REDIC1: variants seen among roughly 807,000 people sequenced by gnomAD.
The protein encoded by REDIC1 is regulator of DNA class I crossover intermediates 1, also known as HEI10 Interacting Protein 1.
the REDIC1 span, among the ~76,000 whole-genome samples, chr12:39,718,553 G>A: frequency 6.6e-6 from 1 of 152,036 alleles, no homozygotes; most frequent in South Asian, 2.1e-4. Context: ...TTATAAATAA[G>A]GGCAATCTTG....
chr12:39,652,929 C>T, the REDIC1 span, among the ~76,000 whole-genome samples: 1 of 151,964 alleles, frequency 6.6e-6, no homozygotes, highest in African/African-American at 2.4e-5. Flanking sequence ...GTTACTGTAG[C>T]TTTATTGTTA....
At chr12:39,844,017 A>T in the REDIC1 span, among the ~76,000 whole-genome samples, 3 of 151,998 alleles carry the variant, frequency 2.0e-5, no homozygotes, top group Non-Finnish European at 4.4e-5. Flanking sequence ...AAAAAGGATA[A>T]ATAAAAATAA....
At chr12:39,727,125 C>G in the REDIC1 span, among the ~76,000 whole-genome samples, 2 of 152,114 alleles carry the variant, frequency 1.3e-5, no homozygotes, top group African/African-American at 4.8e-5. Flanking sequence ...TGCCTGTTCA[C>G]TCTTGCTGTG....
the REDIC1 span, among the ~76,000 whole-genome samples, chr12:39,670,765 TCTGA>T: frequency 6.6e-6 from 1 of 151,418 alleles, no homozygotes; most frequent in Non-Finnish European, 1.5e-5. Context: ...TTTAAATTCA[TCTGA>T]CTGGGTTATT....
chr12:39,633,788 G>A, the REDIC1 span, among the ~76,000 whole-genome samples: 78 of 152,246 alleles, frequency 5.1e-4, no homozygotes, highest in African/African-American at 1.9e-3. Flanking sequence ...CGGAACCATC[G>A]TTACGCAGTG....
chr12:39,696,562 AAAAAAAAAAAAAAAAAAAT>A, the REDIC1 span, among the ~76,000 whole-genome samples: 91 of 142,740 alleles, frequency 6.4e-4, no homozygotes, highest in African/African-American at 2.1e-3. Flanking sequence ...AAAAAAAAAA[AAAAAAAAAAAAAAAAAAAT>A]AACGCACCAA....
chr12:39,839,439 T>C, the REDIC1 span, among the ~76,000 whole-genome samples: 1 of 152,090 alleles, frequency 6.6e-6, no homozygotes, highest in Non-Finnish European at 1.5e-5. Context: ...GGTACTAATT[T>C]CATGAAGCAA....
At chr12:39,674,106 G>A in the REDIC1 span, among the ~76,000 whole-genome samples, 2 of 152,136 alleles carry the variant, frequency 1.3e-5, no homozygotes, top group African/African-American at 2.4e-5. Flanking sequence ...ATCTCTAGAA[G>A]TAAGAATCCT....
At chr12:39,670,793 C>CTTTAAG in the REDIC1 span, among the ~76,000 whole-genome samples, 1 of 148,758 alleles carries the variant, frequency 6.7e-6, no homozygotes, top group African/African-American at 2.5e-5. Context: ...AAAGACCTAT[C>CTTTAAG]TTTAAGTTCT....
At chr12:39,655,935 A>G in the REDIC1 span, among the ~76,000 whole-genome samples, 4 of 151,946 alleles carry the variant, frequency 2.6e-5, no homozygotes, top group Non-Finnish European at 5.9e-5. Flanking sequence ...AGTATTTGCC[A>G]AATTGCTCAC....
At chr12:39,907,922 A>G in the REDIC1 span, 1 of 151,282 alleles carries the variant, frequency 6.6e-6, no homozygotes, top group Non-Finnish European at 1.5e-5. Context: ...TTTTCCCGGC[A>G]CTTTCCACCT....
At chr12:39,814,220 A>G in the REDIC1 span, among the ~76,000 whole-genome samples, 2 of 152,204 alleles carry the variant, frequency 1.3e-5, no homozygotes. Context: ...TTTTAATGTC[A>G]TTGCTTTACC....
chr12:39,896,541 T>C, the REDIC1 span, among the ~76,000 whole-genome samples: 3,060 of 136,628 alleles, frequency 0.022, 126 homozygotes, highest in Admixed American at 0.061. Flanking sequence ...TGTATGTATG[T>C]ATGTGTGTAT....
chr12:39,714,915 G>T, the REDIC1 span, among the ~76,000 whole-genome samples: 3,062 of 151,710 alleles, frequency 0.02, 42 homozygotes, highest in South Asian at 0.029. Flanking sequence ...GAGATTGTTT[G>T]TTTTTTTCTT....
chr12:39,718,420 G>A, the REDIC1 span, among the ~76,000 whole-genome samples: 1 of 152,178 alleles, frequency 6.6e-6, no homozygotes, highest in South Asian at 2.1e-4. Context: ...TGACTCTAGG[G>A]GCAAAGCACT....
chr12:39,840,155 C>CT, the REDIC1 span, among the ~76,000 whole-genome samples: 6 of 152,148 alleles, frequency 3.9e-5, no homozygotes, highest in African/African-American at 1.4e-4. Context: ...CCTCAGCTTC[C>CT]TGAGTAGCTG....
the REDIC1 span, among the ~76,000 whole-genome samples, chr12:39,712,478 A>T: frequency 7.0e-6 from 1 of 142,908 alleles, no homozygotes; most frequent in Non-Finnish European, 1.6e-5. Flanking sequence ...GTATATATAC[A>T]TACAGGTATA....
chr12:39,714,082 C>CGTATGTAT, the REDIC1 span, among the ~76,000 whole-genome samples: 23 of 56,284 alleles, frequency 4.1e-4, 1 homozygote, highest in East Asian at 1.0e-3. Flanking sequence ...CGTGTATATA[C>CGTATGTAT]ACATATATGT....
the REDIC1 span, among the ~76,000 whole-genome samples, chr12:39,882,290 G>A: frequency 6.6e-6 from 1 of 152,122 alleles, no homozygotes; most frequent in Non-Finnish European, 1.5e-5. Flanking sequence ...AGTAGGTCTA[G>A]GACCAAGAAT....
Sources: gnomAD v4.1 joint callset for allele counts (sites outside exome capture counted in the v4.1 genomes callset) on GRCh38, gnomAD v4.1.1 for gene constraint, MANE v1.5 for transcripts, NCBI Gene and HGNC (gene_info 2026-07-23, HGNC 2026-07-21) for gene names.